Variants in WFS1 observed in about 807,000 individuals in gnomAD.
WFS1 encodes the protein wolframin.
WFS1 carries 90 observed loss-of-function variants against 68.5 expected under a neutral mutation model. The ratio of observed to expected loss-of-function variants is 1.31; its 90% CI spans 1.11 to 1.56. WFS1 has a LOEUF of 1.56. WFS1 is among the 40% of genes most tolerant of loss of function. The pLI is 0.00. For missense variants in WFS1, 1,767 were observed against 1,232.6 expected, an observed-to-expected ratio of 1.43 and a Z score of -6.49; for synonymous variants, 860 against 540.7, an observed-to-expected ratio of 1.59 and a Z score of -8.19.
chr4:6,273,433 C>G (rs951722513), intron 1 of WFS1, among the ~76,000 whole-genome samples: 1 of 152,320 alleles, frequency 6.6e-6, no homozygotes. Flanking sequence ...CCCCACCGTG[C>G]AGGTGGGGAT....
Position 6,287,839 on chromosome 4 carries a change from A to G in WFS1, c.315+664A>G, listed in dbSNP as rs560513779. ...ACTCTGTCCCCTTGCACAGGGCTCA[A>G]GCAAGTGACCACAGTTATCCTGAGC... On this transcript the variant is annotated intron_variant, in intron 3 of 7. Coordinates refer to ENST00000226760, the MANE Select transcript of WFS1 (RefSeq NM_006005.3). The surrounding 1 kb of genome is among the most constrained non-coding windows in gnomAD (Gnocchi z 6.4). 6.6e-6 allele frequency among the ~76,000 whole-genome samples: 1 copy of G among 152,332 alleles called. No individual in the cohort carries two copies. Among genetic ancestry groups the G allele is most frequent in the South Asian group, 2.1e-4 (1 of 4,824 alleles).
Position 6,302,312 on chromosome 4 carries a change from C to T in WFS1, c.2517C>T (p.Val839=), listed in dbSNP as rs893612512. ...GCCGCCTGGGCAGCAAGTGGCCTGT[C>T]TTCGAGCTCAAGGCCATCAGCTGCC... ...LEGRLGSKWP[V]FELKAISCLN... is the part of the protein sequence containing the mutation. Residue 839 remains valine, a synonymous_variant, in exon 8 of 8, where the codon GTC becomes GTT. Coordinates refer to ENST00000226760, the MANE Select transcript of WFS1 (RefSeq NM_006005.3). 1.1e-5 allele frequency: 18 copies of T among 1,611,202 alleles called. No homozygotes were observed. Among genetic ancestry groups the T allele is most frequent in the Middle Eastern group, 1.6e-4 (1 of 6,082 alleles).
In WFS1 at chr4:6,303,046, A is replaced by C. The variant is rs1731021319; in HGVS notation, c.*578A>C. On this transcript the variant is annotated 3_prime_UTR_variant, in exon 8 of 8. Coordinates refer to ENST00000226760, the MANE Select transcript of WFS1 (RefSeq NM_006005.3). ...GGCAGTGTGTCACACTGAGCTGGGC[A>C]CCACAGGCTGCCTCATGACCCTCCT... 1 of 160,504 alleles carries C rather than the reference A, an allele frequency of 6.2e-6. No individual in the cohort carries two copies. The allele number at this position is 160,504 out of a possible 1,614,324, so 9.9% of individuals were successfully genotyped here. A position where few individuals can be genotyped will look rare whatever the true frequency, so the allele number is the denominator to read the frequency against.
chr4:6,302,268 T>C lies in WFS1; in HGVS notation c.2473T>C (p.Phe825Leu). ...LSLRQGSLIE[F>L]STILEGRLGS... Reference sequence around the variant, plus strand: ...CCTGCGCCAGGGCAGCCTCATCGAGTTCAGCACCATCCTGGAGGGCCGCCT... The same window carrying C: ...CCTGCGCCAGGGCAGCCTCATCGAGCTCAGCACCATCCTGGAGGGCCGCCT... The change falls in exon 8 of 8, where the codon TTC becomes CTC. Residue 825 changes from phenylalanine to leucine, a missense_variant. By Grantham distance (22) the Phe-to-Leu change is conservative (BLOSUM62 0). Coordinates refer to ENST00000226760, the MANE Select transcript of WFS1 (RefSeq NM_006005.3). 1.2e-6 allele frequency: 2 copies of C among 1,605,732 alleles called. No homozygotes were observed. The highest frequency in any genetic ancestry group is 1.7e-6 in the Non-Finnish European group (2 of 1,174,704).
At position 6,300,927 on chromosome 4, in the gene WFS1, A is replaced by C; in HGVS notation, c.1132A>C (p.Thr378Pro). 1 of 1,613,932 alleles carries C rather than the reference A, an allele frequency of 6.2e-7. No individual in the cohort carries two copies. The highest frequency in any genetic ancestry group is 8.5e-7 in the Non-Finnish European group (1 of 1,179,992). Reference protein sequence around the residue: ...SKAWENFRTLTDLLLRFEPNL... With the variant: ...SKAWENFRTLPDLLLRFEPNL... ...GGCCTGGGAGAACTTCCGCACCCTC[A>C]CCGACCTGCTGCTGCGCTTCGAGCC... is the stretch of plus-strand genomic sequence containing the variant. Residue 378 changes from threonine to proline, a missense_variant, in exon 8 of 8, where the codon ACC (threonine) becomes CCC (proline). Transcript: ENST00000226760.
In WFS1 at chr4:6,302,215, G is replaced by T. The variant is rs768115255; in HGVS notation, c.2420G>T (p.Ser807Ile). 6.2e-7 allele frequency: 1 copy of T among 1,610,922 alleles called. No homozygotes were observed. Among genetic ancestry groups the T allele is most frequent in the South Asian group, 1.1e-5 (1 of 91,000 alleles). ...DVTKDIVLRA[S>I]SEFKSVLLSL... ...ACCAAGGACATCGTGCTGCGGGCCA[G>T]CAGCGAGTTCAAGAGCGTGCTGCTC... Residue 807 changes from serine (S) to isoleucine (I), a missense_variant, in exon 8 of 8, where the codon AGC becomes ATC. Coordinates refer to ENST00000226760, the MANE Select transcript of WFS1 (RefSeq NM_006005.3).
rs1044998883 is a variant in WFS1 at position 6,293,172 on chromosome 4, G to A, written c.712+1175G>A. The stretch of plus-strand genomic sequence containing the variant: ...GCAGCCCAGCCTGGGTCTCCATCCT[G>A]GGGGGCACTGCAGGCAGAGTCTGGA... On this transcript the variant is annotated intron_variant, in intron 6 of 7. Coordinates refer to ENST00000226760, the MANE Select transcript of WFS1 (RefSeq NM_006005.3). Among the ~76,000 whole-genome samples the A allele has an allele frequency of 3.3e-5, 5 of 152,266 alleles. No individual in the cohort carries two copies. In the East Asian group the frequency reaches 5.8e-4, roughly 18 times the overall value.
chr4:6,301,204 T>G lies in WFS1; in HGVS notation c.1409T>G (p.Leu470Arg). The G allele has an allele frequency of 6.2e-7, 1 of 1,612,318 alleles. No homozygotes were observed. The highest frequency in any genetic ancestry group is 8.5e-7 in the Non-Finnish European group (1 of 1,179,970). The change falls in exon 8 of 8, where the codon CTG becomes CGG. Residue 470 changes from leucine to arginine, a missense_variant. Coordinates refer to ENST00000226760, the MANE Select transcript of WFS1 (RefSeq NM_006005.3). ...ATEVTAGLLS[L>R]LPSMPLNWPY... ...GAGGTCACCGCCGGCCTGCTATCGC[T>G]GCTGCCCTCCATGCCCTTGAATTGG...
rs1560419631 is a variant in WFS1 at position 6,301,398 on chromosome 4, CTGGTGTGCTTCATG to C, written c.1611_1624del (p.Cys537Ter). 5.6e-6 allele frequency: 9 copies of C among 1,612,628 alleles called. No individual in the cohort carries two copies. Among genetic ancestry groups the C allele is most frequent in the Non-Finnish European group, 5.9e-6 (7 of 1,180,038 alleles). ...CACCTACTGCTACCTTGTGCCCTAC[CTGGTGTGCTTCATG>C]TGGTGTGAGCTCTCCGTGGTCATCC... On this transcript the variant is annotated frameshift_variant, in exon 8 of 8. Coordinates refer to ENST00000226760, the MANE Select transcript of WFS1 (RefSeq NM_006005.3). LOFTEE classifies it high-confidence loss of function.
Position 6,301,568 on chromosome 4 carries a change from T to C in WFS1, c.1773T>C (p.Ser591=). The C allele has an allele frequency of 2.5e-6, 4 of 1,614,174 alleles. No individual in the cohort carries two copies. The highest frequency in any genetic ancestry group is 8.5e-7 in the Non-Finnish European group (1 of 1,180,044). ...GVLQFARWFT[S]LELTKIAVTV... Reference sequence around the variant, plus strand: ...TGCAGTTCGCCCGGTGGTTCACGTCTCTGGAGCTCACCAAGATCGCAGTCA... The same window carrying C: ...TGCAGTTCGCCCGGTGGTTCACGTCCCTGGAGCTCACCAAGATCGCAGTCA... The change falls in exon 8 of 8, where the codon TCT becomes TCC. Residue 591 remains serine, a synonymous_variant. Transcript: ENST00000226760.
In WFS1 at chr4:6,287,042, G is replaced by C; in HGVS notation, c.233-51G>C. 1 of 1,514,476 alleles carries C rather than the reference G, an allele frequency of 6.6e-7. No homozygotes were observed. The highest frequency in any genetic ancestry group is 1.4e-5 in the African/African-American group (1 of 72,424). 93.8% of individuals were successfully genotyped at this position (1,514,476 alleles called of 1,614,324 possible). Reference sequence around the variant, plus strand: ...TGCCTTGTCCCCTCCATCCTGACAAGTGACAAAGTCTGGCTTTGTGACATG... The same window carrying C: ...TGCCTTGTCCCCTCCATCCTGACAACTGACAAAGTCTGGCTTTGTGACATG... On this transcript the variant is annotated intron_variant, in intron 2 of 7. Transcript: ENST00000226760. This position sits in a 1 kb window ranked among gnomAD's most constrained non-coding sequence, Gnocchi z 6.4.
At chr4:6,282,098 G>A (rs904786070) in intron 2 of WFS1, among the ~76,000 whole-genome samples, 2 of 152,230 alleles carry the variant, frequency 1.3e-5, no homozygotes, top group African/African-American at 2.4e-5. Flanking sequence ...CCTCGGCTAC[G>A]CAGGGCCTGT....
chr4:6,273,700 C>A (rs1729902278), intron 1 of WFS1, among the ~76,000 whole-genome samples: 1 of 152,234 alleles, frequency 6.6e-6, no homozygotes, highest in South Asian at 2.1e-4. Flanking sequence ...GAGGGAAGGA[C>A]CAGACAGCAG....
Position 6,302,264 on chromosome 4 carries a change from C to T in WFS1, c.2469C>T (p.Ile823=), listed in dbSNP as rs1801215. ...TCAGCCTGCGCCAGGGCAGCCTCAT[C>T]GAGTTCAGCACCATCCTGGAGGGCC... ...VLLSLRQGSL[I]EFSTILEGRL... is the part of the protein sequence containing the mutation. Residue 823 remains isoleucine (I), a synonymous_variant, in exon 8 of 8, where the codon ATC becomes ATT. Transcript: ENST00000226760. 2.8e-3 allele frequency: 4,516 copies of T among 1,604,770 alleles called. 106 individuals are homozygous for T. The African/African-American group carries it at 0.048, about 17-fold the overall frequency.
chr4:6,300,516 C>A, intron 7 of WFS1, 141 bp from the exon 8 acceptor site: 2 of 1,298,514 alleles, frequency 1.5e-6, no homozygotes, highest in Non-Finnish European at 2.1e-6. Flanking sequence ...GAGGGAGGAC[C>A]ACTAGGATGG....
chr4:6,286,956 C>G (rs1730327567), intron 2 of WFS1, 137 bp from the exon 3 acceptor site: 14 of 799,682 alleles, frequency 1.8e-5, no homozygotes, highest in Non-Finnish European at 2.4e-5. Context: ...GTGTCTGTGT[C>G]TCTCTGTACT....
intron 6 of WFS1, 49 bp downstream of exon 6, chr4:6,292,046 T>C: frequency 6.5e-7 from 1 of 1,528,588 alleles, no homozygotes; most frequent in African/African-American, 1.4e-5. Context: ...AGCCTGCACC[T>C]GCAGGGCGAC....
rs371752930 is a variant in WFS1 at position 6,284,817 on chromosome 4, G to A, written c.233-2276G>A. Among the ~76,000 whole-genome samples the A allele has an allele frequency of 4.6e-5, 7 of 150,752 alleles. No individual in the cohort carries two copies. In the East Asian group the frequency reaches 1.4e-3, roughly 29 times the overall value. ...GCACCAGGTCGCACAGCACCTTACT[G>A]TGGAGCATGGATCCACACGTGCGTC... On this transcript the variant is annotated intron_variant, in intron 2 of 7. Coordinates refer to ENST00000226760, the MANE Select transcript of WFS1 (RefSeq NM_006005.3).
chr4:6,288,747 C>G, intron 3 of WFS1: 1 of 586,850 alleles, frequency 1.7e-6, no homozygotes, highest in Non-Finnish European at 3.1e-6. Flanking sequence ...AGTCGGAGCC[C>G]GTGTCTCCCT....
Sources: allele counts gnomAD v4.1 joint callset (sites outside exome capture counted in the v4.1 genomes callset), GRCh38; gene constraint gnomAD v4.1.1; non-coding constraint Gnocchi (gnomAD v3.1); transcripts MANE v1.5; gene names NCBI Gene and HGNC (gene_info 2026-07-23, HGNC 2026-07-21).